Variants in CRTC1 observed in about 807,000 individuals in gnomAD.
CRTC1 encodes CREB-regulated transcription coactivator 1.
A neutral mutation model predicts 66.1 loss-of-function variants in CRTC1; 18 were observed. That is an observed-to-expected ratio of 0.27 (90% CI 0.19 to 0.40). The LOEUF (loss-of-function observed/expected upper bound fraction) is 0.40. Among genes scored for constraint, CRTC1 ranks in the 10% least tolerant of loss-of-function variants. The pLI, the probability that CRTC1 is intolerant of heterozygous loss-of-function variation, is 1.00. For synonymous variants in CRTC1, 416 were observed against 398.8 expected (o/e 1.04, Z -0.51); for missense variants, 669 against 887.9 (o/e 0.75, Z 3.13).
At chr19:18,718,922 C>T (rs1317129054) in intron 1 of CRTC1, among the ~76,000 whole-genome samples, 1 of 152,066 alleles carries the variant, frequency 6.6e-6, no homozygotes, top group African/African-American at 2.4e-5. Context: ...GTGTTTAAAA[C>T]GGGAGCATAA....
chr19:18,746,953 C>G (rs563138098), intron 3 of CRTC1, 100 bp from the exon 4 acceptor site: 2 of 1,140,542 alleles, frequency 1.8e-6, no homozygotes, highest in Non-Finnish European at 2.6e-6. Context: ...GGCCTCAGGC[C>G]GACCCCAGCC....
chr19:18,698,348 GCA>G (rs2053045254), intron 1 of CRTC1, among the ~76,000 whole-genome samples: 1 of 150,770 alleles, frequency 6.6e-6, no homozygotes, highest in African/African-American at 2.4e-5. Flanking sequence ...CTTAGCAGGT[GCA>G]CAGTGTGTAC....
At chr19:18,745,785 G>T (rs1046158800) in intron 2 of CRTC1, 38 bp from the exon 3 acceptor site, 8 of 1,612,434 alleles carry the variant, frequency 5.0e-6, no homozygotes, top group South Asian at 1.1e-5. Flanking sequence ...CCATTGTTTG[G>T]ATTTCTCTCT....
intron 1 of CRTC1, among the ~76,000 whole-genome samples, chr19:18,734,421 C>T (rs1392476899): frequency 1.3e-5 from 2 of 150,866 alleles, no homozygotes; most frequent in African/African-American, 2.4e-5. Context: ...AATGGTGGGC[C>T]GGGCACAGTG....
intron 1 of CRTC1, 125 bp from the exon 2 acceptor site, chr19:18,742,785 C>T (rs2145727063): frequency 1.4e-6 from 1 of 706,446 alleles, no homozygotes; most frequent in East Asian, 2.5e-5. Flanking sequence ...GTCATGAGGT[C>T]CTGCAAACTT....
At position 18,741,634 on chromosome 19, in the gene CRTC1, G is replaced by A. The variant is rs765848355; in HGVS notation, c.127-1276G>A. On this transcript the variant is annotated intron_variant, in intron 1 of 13. Coordinates refer to ENST00000321949, the MANE Select transcript of CRTC1 (RefSeq NM_015321.3). The surrounding 1 kb of genome is among the most constrained non-coding windows in gnomAD (Gnocchi z 4.2). ...CTGGCCTGTTTCATCTGGTGTGACT[G>A]CTGGGAGGGACACTGTGGATGTTCA... 6.6e-6 allele frequency among the ~76,000 whole-genome samples: 1 copy of A among 152,144 alleles called. No individual in the cohort carries two copies. Among genetic ancestry groups the A allele is most frequent in the Non-Finnish European group, 1.5e-5 (1 of 68,002 alleles).
chr19:18,760,373 G>A lies in CRTC1; in HGVS notation c.886+145G>A, dbSNP rs949845182. On this transcript the variant is annotated intron_variant, in intron 8 of 13. Transcript: ENST00000321949. This position sits in a 1 kb window ranked among gnomAD's most constrained non-coding sequence, Gnocchi z 6.2. ...GGGGCGGCCGACAGGCTGACCCAGCGGGCACAGGCATCCCAGGTAGGGGTG... is the reference window on the plus strand; with the variant it reads ...GGGGCGGCCGACAGGCTGACCCAGCAGGCACAGGCATCCCAGGTAGGGGTG... 11 of 692,262 alleles carry A rather than the reference G, an allele frequency of 1.6e-5. No homozygotes were observed. Among genetic ancestry groups the A allele is most frequent in the African/African-American group, 7.1e-5 (4 of 56,016 alleles). 42.9% of individuals were successfully genotyped at this position (692,262 alleles called of 1,614,324 possible).
At position 18,683,840 on chromosome 19, in the gene CRTC1, G is replaced by C; in HGVS notation, c.126+12G>C. 1 of 1,233,692 alleles carries C rather than the reference G, an allele frequency of 8.1e-7. No homozygotes were observed. Among genetic ancestry groups the C allele is most frequent in the Non-Finnish European group, 1.0e-6 (1 of 956,374 alleles). The allele number at this position is 1,233,692 out of a possible 1,614,324, so 76.4% of individuals were successfully genotyped here. Reference sequence around the variant, plus strand: ...CGCGGGCCGCGCGGGTAAGGGGGCTGCCCGCGCCGACCCTTCAGGGCCGGC... The same window carrying C: ...CGCGGGCCGCGCGGGTAAGGGGGCTCCCCGCGCCGACCCTTCAGGGCCGGC... On this transcript the variant is annotated intron_variant, in intron 1 of 13. Coordinates refer to ENST00000321949, the MANE Select transcript of CRTC1 (RefSeq NM_015321.3).
chr19:18,752,682 C>A (rs1042184419), intron 5 of CRTC1, among the ~76,000 whole-genome samples: 1 of 151,270 alleles, frequency 6.6e-6, no homozygotes, highest in African/African-American at 2.4e-5. Context: ...ACTCTGTCGC[C>A]CAGACTGGAG....
At chr19:18,738,679 A>G (rs1263025629) in intron 1 of CRTC1, among the ~76,000 whole-genome samples, 1 of 152,206 alleles carries the variant, frequency 6.6e-6, no homozygotes, top group Non-Finnish European at 1.5e-5. Flanking sequence ...GCACGCCTGT[A>G]ATTCCAGCTA....
intron 10 of CRTC1, among the ~76,000 whole-genome samples, chr19:18,770,489 C>A (rs1266597408): frequency 1.3e-5 from 2 of 152,252 alleles, no homozygotes; most frequent in African/African-American, 4.8e-5. Context: ...GCTTAGAGAG[C>A]CAGGGGACCT....
intron 1 of CRTC1, among the ~76,000 whole-genome samples, chr19:18,718,405 C>T (rs1397128212): frequency 6.6e-6 from 1 of 152,136 alleles, no homozygotes; most frequent in African/African-American, 2.4e-5. Flanking sequence ...GGTACGATCA[C>T]AGCTCACTGC....
intron 1 of CRTC1, among the ~76,000 whole-genome samples, chr19:18,690,690 C>T (rs1043813977): frequency 6.6e-6 from 1 of 152,034 alleles, no homozygotes; most frequent in Non-Finnish European, 1.5e-5. Flanking sequence ...TGAGATCATC[C>T]TGGGGGGGTG....
At chr19:18,689,105 C>A (rs2052760051) in intron 1 of CRTC1, among the ~76,000 whole-genome samples, 1 of 151,966 alleles carries the variant, frequency 6.6e-6, no homozygotes, top group East Asian at 1.9e-4. Context: ...GCCACCACAC[C>A]CGGCTAATTT....
chr19:18,690,215 C>G lies in CRTC1; in HGVS notation c.126+6387C>G, dbSNP rs1429855440. Among the ~76,000 whole-genome samples the G allele has an allele frequency of 2.0e-5, 3 of 152,060 alleles. No homozygotes were observed. In the East Asian group the frequency reaches 5.8e-4, roughly 29 times the overall value. ...GGCCAGAAAAAGTACCCAGGCAAGA[C>G]AGTCATGGTGGCACGGTCAGGGCTG... On this transcript the variant is annotated intron_variant, in intron 1 of 13. Transcript: ENST00000321949.
intron 1 of CRTC1, among the ~76,000 whole-genome samples, chr19:18,725,681 C>T (rs1021414834): frequency 6.6e-6 from 1 of 152,228 alleles, no homozygotes; most frequent in Non-Finnish European, 1.5e-5. Context: ...TCCTGAGCCT[C>T]CCACCTCTCT....
intron 4 of CRTC1, 91 bp downstream of exon 4, chr19:18,747,205 GT>G: frequency 9.9e-7 from 1 of 1,012,440 alleles, no homozygotes; most frequent in South Asian, 1.4e-5. Context: ...GCAGGACACA[GT>G]CGCTTAAACA....
At chr19:18,764,045 C>T (rs2054673410) in intron 8 of CRTC1, among the ~76,000 whole-genome samples, 1 of 152,162 alleles carries the variant, frequency 6.6e-6, no homozygotes, top group African/African-American at 2.4e-5. Context: ...GGCTTCCTCC[C>T]ACAGTGCGCA....
chr19:18,771,464 G>A lies in CRTC1; in HGVS notation c.1343G>A (p.Arg448His), dbSNP rs748706628. The A allele has an allele frequency of 3.1e-6, 5 of 1,613,312 alleles. No individual in the cohort carries two copies. The highest frequency in any genetic ancestry group is 1.1e-5 in the South Asian group (1 of 91,030). Residue 448 changes from arginine (R) to histidine (H), a missense_variant, in exon 11 of 14, where the codon CGC (arginine) becomes CAC (histidine). Around this residue, in one of 8 missense-constraint regions of CRTC1, gnomAD observed 241 missense variants for 242.2 expected, o/e 0.99. Coordinates refer to ENST00000321949, the MANE Select transcript of CRTC1 (RefSeq NM_015321.3). This position sits in a 1 kb window ranked among gnomAD's most constrained non-coding sequence, Gnocchi z 4.6. Reference sequence around the variant, plus strand: ...CAGGCGCCGGCTCTGCAGCAGTACCGCACTAGCGCCGGCTCCCCGGCCAAC... The same window carrying A: ...CAGGCGCCGGCTCTGCAGCAGTACCACACTAGCGCCGGCTCCCCGGCCAAC... ...IASAPALQQY[R>H]TSAGSPANQS...
Sources: gnomAD v4.1 joint callset for allele counts (sites outside exome capture counted in the v4.1 genomes callset) on GRCh38, gnomAD v4.1.1 for gene constraint, gnomAD v4.1.1 regional missense constraint, Gnocchi (gnomAD v3.1) non-coding constraint, MANE v1.5 for transcripts, NCBI Gene and HGNC (gene_info 2026-07-23, HGNC 2026-07-21) for gene names.